Variants in ELP1 observed in about 807,000 individuals in gnomAD.
The protein encoded by ELP1 is elongator complex protein 1.
A neutral mutation model predicts 183.2 loss-of-function variants in ELP1; 131 were observed. That is an observed-to-expected ratio of 0.72 (90% CI 0.62 to 0.83). ELP1 has a LOEUF of 0.83. Among genes scored for constraint, ELP1 ranks in the 40% least tolerant of loss-of-function variants. The pLI is 0.00. For synonymous variants in ELP1, 555 were observed against 569.0 expected, an observed-to-expected ratio of 0.98 and a Z score of 0.35; for missense variants, 1,550 against 1,594.9, an observed-to-expected ratio of 0.97 and a Z score of 0.48.
Position 108,925,084 on chromosome 9 carries a change from CT to C in ELP1, c.466+1438del, listed in dbSNP as rs1829784679. The stretch of plus-strand genomic sequence containing the variant: ...TTCCTGCTTCTAGCCCCACACAAAC[CT>C]TCCTTATCTTTCATCTGGATTCCTG... On this transcript the variant is annotated intron_variant, in intron 5 of 36. Transcript: ENST00000374647. 2.6e-5 allele frequency among the ~76,000 whole-genome samples: 4 copies of C among 152,218 alleles called. No individual in the cohort carries two copies. In the South Asian group the frequency reaches 8.3e-4, roughly 32 times the overall value.
At chr9:108,884,432 A>G (rs1395742209) in intron 29 of ELP1, among the ~76,000 whole-genome samples, 2 of 152,208 alleles carry the variant, frequency 1.3e-5, no homozygotes, top group Non-Finnish European at 2.9e-5. Context: ...ACTCCATCCA[A>G]TAATAGTAGC....
chr9:108,924,892 T>C (rs1239264731), intron 5 of ELP1, among the ~76,000 whole-genome samples: 1 of 152,212 alleles, frequency 6.6e-6, no homozygotes, highest in Admixed American at 6.5e-5. Flanking sequence ...TTTTTCTTAT[T>C]CACCTTACAT....
At chr9:108,921,337 C>A (rs191011153) in intron 6 of ELP1, among the ~76,000 whole-genome samples, 247 of 151,944 alleles carry the variant, frequency 1.6e-3, no homozygotes, top group South Asian at 3.1e-3. Flanking sequence ...CTGGGCACTT[C>A]ATACAAATGG....
At chr9:108,914,044 T>A (rs1829333317) in intron 10 of ELP1, among the ~76,000 whole-genome samples, 1 of 152,072 alleles carries the variant, frequency 6.6e-6, no homozygotes, top group Non-Finnish European at 1.5e-5. Context: ...TTTCTAAAGG[T>A]GTGGCCAGGG....
chr9:108,890,620 T>C (rs1325198845), intron 28 of ELP1, among the ~76,000 whole-genome samples: 1 of 152,180 alleles, frequency 6.6e-6, no homozygotes, highest in African/African-American at 2.4e-5. Context: ...GCAACCCTTG[T>C]CCCTGACGCA....
Position 108,917,665 on chromosome 9 carries a change from G to C in ELP1, c.746C>G (p.Ser249Ter). Reference protein sequence around the residue: ...GLGPALAWKPSGSLIASTQDK... With the variant: ...GLGPALAWKP ...TTGTGTAGATGCAATCAAACTGCCTGAGGGTCTTAAAGCAAACTCAGAGTG... is the reference window on the plus strand; with the variant it reads ...TTGTGTAGATGCAATCAAACTGCCTCAGGGTCTTAAAGCAAACTCAGAGTG... The change falls in exon 9 of 37, where the codon TCA becomes TGA. Residue 249 changes from serine (S) to a stop codon, truncating the protein, a stop_gained. Coordinates refer to ENST00000374647, the MANE Select transcript of ELP1 (RefSeq NM_003640.5). LOFTEE classifies it high-confidence loss of function. 1 of 1,611,616 alleles carries C rather than the reference G, an allele frequency of 6.2e-7. No homozygotes were observed. Among genetic ancestry groups the C allele is most frequent in the Non-Finnish European group, 8.5e-7 (1 of 1,179,130 alleles).
intron 25 of ELP1, 121 bp downstream of exon 25, chr9:108,896,375 G>A: frequency 2.3e-6 from 2 of 885,058 alleles, no homozygotes; most frequent in East Asian, 2.6e-5. Context: ...TCACAGATCT[G>A]TCTCCAGCCC....
At position 108,882,173 on chromosome 9, in the gene ELP1, A is replaced by G; in HGVS notation, c.3237T>C (p.Ala1079=). The G allele has an allele frequency of 6.2e-7, 1 of 1,613,334 alleles. No homozygotes were observed. Among genetic ancestry groups the G allele is most frequent in the Non-Finnish European group, 8.5e-7 (1 of 1,179,792 alleles). The change falls in exon 30 of 37, where the codon GCT becomes GCC. Residue 1079 remains alanine (A), a synonymous_variant. Coordinates refer to ENST00000374647, the MANE Select transcript of ELP1 (RefSeq NM_003640.5). ...LEECAQDYEE[A]VLLLLEGAAW... is the part of the protein sequence containing the mutation. ...CAGCTCCTTCTAACAGCAAGAGCACAGCTTCTTCATAATCCTGACAAGGGA... is the reference window on the plus strand; with the variant it reads ...CAGCTCCTTCTAACAGCAAGAGCACGGCTTCTTCATAATCCTGACAAGGGA...
At chr9:108,906,850 T>C (rs187057337) in intron 13 of ELP1, among the ~76,000 whole-genome samples, 61 of 152,336 alleles carry the variant, frequency 4.0e-4, no homozygotes, top group African/African-American at 1.4e-3. Context: ...GGTATGTCAC[T>C]TGCAGTAGAA....
At chr9:108,901,801 T>A in intron 16 of ELP1, 120 bp from the exon 17 acceptor site, 1 of 928,564 alleles carries the variant, frequency 1.1e-6, no homozygotes, top group Non-Finnish European at 1.7e-6. Flanking sequence ...TAATCAGGAC[T>A]AAAGATAGAT....
intron 12 of ELP1, among the ~76,000 whole-genome samples, chr9:108,910,423 G>A (rs1293513063): frequency 6.6e-6 from 1 of 152,218 alleles, no homozygotes; most frequent in Non-Finnish European, 1.5e-5. Context: ...CCATATGCCA[G>A]CAGAATTTAT....
In ELP1 at chr9:108,911,042, T is replaced by A. The variant is rs1829198173; in HGVS notation, c.1328A>T (p.Asp443Val). 1 of 1,614,040 alleles carries A rather than the reference T, an allele frequency of 6.2e-7. No homozygotes were observed. The highest frequency in any genetic ancestry group is 1.1e-5 in the South Asian group (1 of 91,086). ...PQKSNDLAVL[D>V]ASNQISVYKC... The stretch of plus-strand genomic sequence containing the variant: ...ATAAACAGAAATCTGGTTACTGGCA[T>A]CTAGAACAGCAAGGTCATTACTCTT... The change falls in exon 12 of 37, where the codon GAT becomes GTT. Residue 443 changes from aspartate to valine, a missense_variant. Physicochemically the swap from Asp to Val is radical, Grantham distance 152. Transcript: ENST00000374647.
In ELP1 at chr9:108,917,617, A is replaced by G. The variant is rs1024528175; in HGVS notation, c.794T>C (p.Ile265Thr). Residue 265 changes from isoleucine to threonine, a missense_variant, in exon 9 of 37, where the codon ATT (isoleucine) becomes ACT (threonine). Coordinates refer to ENST00000374647, the MANE Select transcript of ELP1 (RefSeq NM_003640.5). ...STQDKPNQQD[I>T]VFFEKNGLLH... is the part of the protein sequence containing the mutation. ...GAGTCCATTTTTCTCAAAAAACACA[A>G]TATCCTGCTGGTTGGGTTTATCTTG... The G allele has an allele frequency of 1.2e-6, 2 of 1,614,014 alleles. No individual in the cohort carries two copies. The highest frequency in any genetic ancestry group is 1.3e-5 in the African/African-American group (1 of 75,024).
At chr9:108,905,653 G>C (rs1488882838) in intron 14 of ELP1, among the ~76,000 whole-genome samples, 1 of 152,180 alleles carries the variant, frequency 6.6e-6, no homozygotes, top group East Asian at 1.9e-4. Context: ...GGATACGTCT[G>C]AGAAATGTGT....
intron 6 of ELP1, among the ~76,000 whole-genome samples, chr9:108,921,617 G>A (rs1037460461): frequency 6.6e-6 from 1 of 151,814 alleles, no homozygotes; most frequent in Non-Finnish European, 1.5e-5. Context: ...AAAATCAGGG[G>A]GACATGAAAA....
Position 108,892,976 on chromosome 9 carries a change from T to C in ELP1, c.2958+10A>G. 1.2e-6 allele frequency: 2 copies of C among 1,601,180 alleles called. No homozygotes were observed. Among genetic ancestry groups the C allele is most frequent in the Non-Finnish European group, 8.6e-7 (1 of 1,168,144 alleles). ...AAACCAGGAGAGCCTCATTTTCACATACCACATACCTGGTACTGTTGTGAG... is the reference window on the plus strand; with the variant it reads ...AAACCAGGAGAGCCTCATTTTCACACACCACATACCTGGTACTGTTGTGAG... On this transcript the variant is annotated intron_variant, in intron 27 of 36. Transcript: ENST00000374647.
chr9:108,912,602 G>A, intron 10 of ELP1, 108 bp from the exon 11 acceptor site: 1 of 761,720 alleles, frequency 1.3e-6, no homozygotes, highest in East Asian at 2.5e-5. Flanking sequence ...GACCCTTCCT[G>A]CTCAGCCTCG....
intron 9 of ELP1, among the ~76,000 whole-genome samples, 156 bp downstream of exon 9, chr9:108,917,391 T>C (rs140340983): frequency 0.019 from 2,803 of 149,848 alleles, 32 homozygotes; most frequent in Non-Finnish European, 0.025. Flanking sequence ...CACTTGAACC[T>C]AGGAGGCGGA....
intron 36 of ELP1, among the ~76,000 whole-genome samples, chr9:108,870,787 C>A (rs1286843727): frequency 6.6e-6 from 1 of 152,126 alleles, no homozygotes; most frequent in Non-Finnish European, 1.5e-5. Flanking sequence ...ATAATTGGAA[C>A]CTTTGGAACA....
Sources: allele counts gnomAD v4.1 joint callset (sites outside exome capture counted in the v4.1 genomes callset), GRCh38; gene constraint gnomAD v4.1.1; transcripts MANE v1.5; gene names NCBI Gene and HGNC (gene_info 2026-07-23, HGNC 2026-07-21).